CDKL5: variants seen among roughly 807,000 people sequenced by gnomAD.
The protein encoded by CDKL5 is cyclin dependent kinase like 5, also known as cyclin-dependent kinase-like 5.
Under a neutral mutation model 61.7 loss-of-function variants are expected in CDKL5, and 8 were observed. The observed-to-expected ratio is 0.13, with a 90% CI of 0.08 to 0.23. The LOEUF is 0.23. Ranked by LOEUF, CDKL5 falls within the 10% of genes least tolerant of loss-of-function variation. The probability of loss-of-function intolerance (pLI) is 1.00; values close to 1 mark genes in which losing one functional copy is unlikely to be tolerated. For missense variants in CDKL5, 440 were observed against 734.5 expected (o/e 0.60, Z 4.63); for synonymous variants, 275 against 272.3 (o/e 1.01, Z -0.10).
chrX:18,443,396 A>G (rs1043636888), intron 1 of CDKL5, among the ~76,000 whole-genome samples: 2 of 111,802 alleles, frequency 1.8e-5, no homozygotes, highest in African/African-American at 6.5e-5. Flanking sequence ...GTTTTGTTAC[A>G]TAGGTAAACA....
intron 8 of CDKL5, among the ~76,000 whole-genome samples, chrX:18,584,777 G>A (rs1925590601): frequency 8.9e-6 from 1 of 111,999 alleles, no homozygotes; most frequent in Non-Finnish European, 1.9e-5. Flanking sequence ...AAGCCCCAAA[G>A]CAACAGCAGC....
rs1370629084 is a variant in CDKL5 at position 18,604,657 on chromosome X, A to G, written c.1733A>G (p.Asp578Gly). The change falls in exon 12 of 18, where the codon GAC becomes GGC. Residue 578 changes from aspartate to glycine, a missense_variant. Coordinates refer to ENST00000623535, the MANE Select transcript of CDKL5 (RefSeq NM_001323289.2). ...MEELKLPEHMDSSHSHSLSAP... is the reference protein window; with the variant it reads ...MEELKLPEHMGSSHSHSLSAP... The stretch of plus-strand genomic sequence containing the variant: ...GAATTGAAGCTGCCGGAGCACATGG[A>G]CAGTAGCCATTCCCATTCACTGTCT... 1 of 1,211,987 alleles carries G rather than the reference A, an allele frequency of 8.3e-7. No individual in the cohort carries two copies.
intron 1 of CDKL5, among the ~76,000 whole-genome samples, chrX:18,454,511 A>G (rs998956917): frequency 8.3e-5 from 9 of 108,364 alleles, no homozygotes; most frequent in African/African-American, 2.4e-4. Context: ...CTGGGATTAC[A>G]GGTGTGAGCC....
Position 18,632,129 on chromosome X carries a change from T to A in CDKL5, c.*3372T>A, listed in dbSNP as rs1927254424. On this transcript the variant is annotated 3_prime_UTR_variant, in exon 18 of 18. Transcript: ENST00000623535. The stretch of plus-strand genomic sequence containing the variant: ...CCCTACACCATCCCAAGCCCACCAG[T>A]CTGCAGAGCTTGGCTCTGGCCTTGT... 1 of 752,536 alleles carries A rather than the reference T, an allele frequency of 1.3e-6. No homozygotes were observed. The highest frequency in any genetic ancestry group is 2.3e-5 in the African/African-American group (1 of 43,349). The allele number at this position is 752,536 out of a possible 1,213,427, so 62.0% of individuals were successfully genotyped here.
At chrX:18,472,351 T>C (rs1222654088) in intron 1 of CDKL5, among the ~76,000 whole-genome samples, 5 of 112,037 alleles carry the variant, frequency 4.5e-5, no homozygotes, top group Non-Finnish European at 7.5e-5. Context: ...TTCTGACTTT[T>C]CTCATTGTTG....
At chrX:18,597,091 CCTT>C in intron 10 of CDKL5, among the ~76,000 whole-genome samples, 1 of 110,851 alleles carries the variant, frequency 9.0e-6, no homozygotes, top group Non-Finnish European at 1.9e-5. Flanking sequence ...ACCCTGGAAG[CCTT>C]CTTATGCCCC....
intron 3 of CDKL5, among the ~76,000 whole-genome samples, chrX:18,520,932 T>C (rs1923223694): frequency 8.9e-6 from 1 of 111,766 alleles, no homozygotes; most frequent in African/African-American, 3.3e-5. Context: ...AGAGATGGGG[T>C]TTTGCCATGT....
downstream of CDKL5, among the ~76,000 whole-genome samples, chrX:18,644,062 A>G (rs1325137116): frequency 2.7e-5 from 3 of 111,530 alleles, no homozygotes; most frequent in African/African-American, 9.8e-5. Flanking sequence ...ATCTATATAA[A>G]TGGATGATTC....
intron 1 of CDKL5, among the ~76,000 whole-genome samples, chrX:18,487,253 G>A (rs1432461555): frequency 8.9e-6 from 1 of 112,272 alleles, no homozygotes; most frequent in East Asian, 2.8e-4. Flanking sequence ...TGGCTTTGCA[G>A]ATTTCTGGTG....
chrX:18,650,622 C>T, intron 21 of CDKL5: 1 of 1,201,170 alleles, frequency 8.3e-7, no homozygotes, highest in African/African-American at 1.7e-5. Context: ...CGGTGGGGCT[C>T]AGCCTGGGCT....
intron 1 of CDKL5, among the ~76,000 whole-genome samples, chrX:18,482,391 A>G (rs2147074270): frequency 8.9e-6 from 1 of 112,231 alleles, no homozygotes; most frequent in East Asian, 2.8e-4. Flanking sequence ...TTATAACAAC[A>G]GTTCTTTAGA....
chrX:18,635,693 A>C lies in CDKL5; in HGVS notation c.*6936A>C, dbSNP rs1207831962. The C allele has an allele frequency of 3.1e-5, 20 of 639,465 alleles. No individual in the cohort carries two copies. Among genetic ancestry groups the C allele is most frequent in the Admixed American group, 2.7e-4 (3 of 11,265 alleles). 52.7% of individuals were successfully genotyped at this position (639,465 alleles called of 1,213,427 possible). ...AGTGTTGTCACCTTTGCACGTCGCTAGACACTCACGTGGTAGTTTGAGGAG... is the reference window on the plus strand; with the variant it reads ...AGTGTTGTCACCTTTGCACGTCGCTCGACACTCACGTGGTAGTTTGAGGAG... On this transcript the variant is annotated 3_prime_UTR_variant, in exon 18 of 18. Coordinates refer to ENST00000623535, the MANE Select transcript of CDKL5 (RefSeq NM_001323289.2).
At chrX:18,653,335 CCTT>C in intron 21 of CDKL5, 1 of 1,162,514 alleles carries the variant, frequency 8.6e-7, no homozygotes, top group Non-Finnish European at 1.1e-6. Context: ...ATGCATGTGG[CCTT>C]CTGCTCCGTG....
chrX:18,554,573 G>A (rs1487031641), intron 3 of CDKL5, among the ~76,000 whole-genome samples: 1 of 108,239 alleles, frequency 9.2e-6, no homozygotes, highest in Non-Finnish European at 1.9e-5. Flanking sequence ...TCACCACCAC[G>A]CCAGGCTAAT....
At chrX:18,528,502 C>T (rs762534077) in intron 3 of CDKL5, among the ~76,000 whole-genome samples, 2 of 110,586 alleles carry the variant, frequency 1.8e-5, no homozygotes, top group South Asian at 7.7e-4. Context: ...ATTTATATAA[C>T]TACTTCAACT....
At chrX:18,550,152 C>T in intron 3 of CDKL5, among the ~76,000 whole-genome samples, 1 of 111,588 alleles carries the variant, frequency 9.0e-6, no homozygotes, top group Non-Finnish European at 1.9e-5. Flanking sequence ...TCTTCGGCAC[C>T]AATTAGAGAC....
At chrX:18,611,124 T>TTAG (rs764963232) in intron 14 of CDKL5, among the ~76,000 whole-genome samples, 4 of 111,791 alleles carry the variant, frequency 3.6e-5, no homozygotes, top group Non-Finnish European at 7.5e-5. Flanking sequence ...GATACCATGA[T>TTAG]TACGCTTTAG....
At chrX:18,435,278 T>G (rs967577955) in intron 1 of CDKL5, among the ~76,000 whole-genome samples, 2 of 112,038 alleles carry the variant, frequency 1.8e-5, no homozygotes, top group Admixed American at 9.5e-5. Context: ...CTAGTAATTA[T>G]TATTCCTAAT....
rs781440425 is a variant in CDKL5, at chrX:18,518,141, T to A, written c.99+7287T>A. On this transcript the variant is annotated intron_variant, in intron 3 of 17. Transcript: ENST00000623535. ...TTTCATATATTAAAGCATTTTAATT[T>A]AAAAAAAATCAACTTTTTTTTTTGT... 6.7e-4 allele frequency among the ~76,000 whole-genome samples: 74 copies of A among 110,263 alleles called. 1 individual carries two copies. The highest frequency in any genetic ancestry group is 2.4e-3 in the African/African-American group (72 of 30,369).
Sources: allele counts gnomAD v4.1 joint callset (sites outside exome capture counted in the v4.1 genomes callset), GRCh38; gene constraint gnomAD v4.1.1; transcripts MANE v1.5; gene names NCBI Gene and HGNC (gene_info 2026-07-23, HGNC 2026-07-21).